Variants in PLD5 observed in about 807,000 individuals in gnomAD.
The protein encoded by PLD5 is inactive phospholipase D5.
Under a neutral mutation model 61.1 loss-of-function variants are expected in PLD5, and 36 were observed. That is an observed-to-expected ratio of 0.59 (90% CI 0.45 to 0.78). The LOEUF (loss-of-function observed/expected upper bound fraction) is 0.78, where lower values mean the gene tolerates loss of function less well. Among genes scored for constraint, PLD5 ranks in the 30% least tolerant of loss-of-function variants. PLD5 has a pLI of 0.00. For synonymous variants in PLD5, 243 were observed against 242.8 expected (o/e 1.00, Z -0.01); for missense variants, 515 against 644.4 (o/e 0.80, Z 2.17).
intron 8 of PLD5, among the ~76,000 whole-genome samples, chr1:242,101,738 A>G (rs1309120065): frequency 4.6e-5 from 7 of 152,174 alleles, no homozygotes; most frequent in Admixed American, 3.9e-4. Context: ...AAGTGTTCAC[A>G]TTTGGTTTGA....
chr1:242,257,220 A>G (rs1347319547), intron 4 of PLD5, among the ~76,000 whole-genome samples: 1 of 152,210 alleles, frequency 6.6e-6, no homozygotes, highest in African/African-American at 2.4e-5. Flanking sequence ...CTCTGGCAAA[A>G]CAAAACAAAA....
At chr1:242,472,383 G>A (rs539137946) in intron 1 of PLD5, among the ~76,000 whole-genome samples, 31 of 152,346 alleles carry the variant, frequency 2.0e-4, no homozygotes, top group Admixed American at 1.5e-3. Context: ...AAGGTGCGCC[G>A]ATAGAGCAGA....
intron 1 of PLD5, among the ~76,000 whole-genome samples, chr1:242,502,384 G>C (rs925633457): frequency 6.6e-6 from 1 of 152,110 alleles, no homozygotes; most frequent in South Asian, 2.1e-4. Context: ...CCCTTTAAAG[G>C]AATTCATGTA....
At chr1:242,386,256 TC>T (rs1333123057) in intron 1 of PLD5, among the ~76,000 whole-genome samples, 1 of 152,202 alleles carries the variant, frequency 6.6e-6, no homozygotes, top group Non-Finnish European at 1.5e-5. Context: ...CTTCAACATA[TC>T]TTTTTGACAG....
At chr1:242,415,409 C>G (rs1664765937) in intron 1 of PLD5, among the ~76,000 whole-genome samples, 1 of 152,008 alleles carries the variant, frequency 6.6e-6, no homozygotes. Flanking sequence ...ACCCCTTAAT[C>G]AAAATAATTC....
intron 2 of PLD5, chr1:242,345,466 T>G: frequency 1.5e-6 from 1 of 646,808 alleles, no homozygotes; most frequent in Non-Finnish European, 2.8e-6. Flanking sequence ...GCTAGAGTAT[T>G]GGGAAGTAAA....
rs1491195081 is a variant in PLD5 at position 242,394,978 on chromosome 1, A to ATT, written c.190-46737_190-46736insAA. Among the ~76,000 whole-genome samples the ATT allele has an allele frequency of 2.3e-4, 24 of 105,304 alleles. 1 individual carries two copies. Among genetic ancestry groups the ATT allele is most frequent in the East Asian group, 1.3e-3 (5 of 3,810 alleles). 69.1% of individuals were successfully genotyped at this position (105,304 alleles called of 152,430 possible). ...ATATGAATATATATGATTATATATGAATATATATGAATATATATGTATATA... is the reference window on the plus strand; with the variant it reads ...ATATGAATATATATGATTATATATGATTATATATATGAATATATATGTATATA... On this transcript the variant is annotated intron_variant, in intron 1 of 9. Coordinates refer to ENST00000536534, the MANE Select transcript of PLD5 (RefSeq NM_001372062.1).
At chr1:242,482,513 G>A (rs546925211) in intron 1 of PLD5, among the ~76,000 whole-genome samples, 2,386 of 152,186 alleles carry the variant, frequency 0.016, 38 homozygotes, top group Non-Finnish European at 0.023. Flanking sequence ...AGAGAAAAAA[G>A]AATAAAAAGA....
intron 1 of PLD5, among the ~76,000 whole-genome samples, chr1:242,379,966 G>C (rs1024017004): frequency 6.6e-6 from 1 of 152,130 alleles, no homozygotes; most frequent in Non-Finnish European, 1.5e-5. Flanking sequence ...GTATTAATAA[G>C]ATTATACAAC....
At chr1:242,163,368 C>T (rs577479282) in intron 5 of PLD5, among the ~76,000 whole-genome samples, 18 of 152,124 alleles carry the variant, frequency 1.2e-4, no homozygotes, top group African/African-American at 4.1e-4. Flanking sequence ...TGGTCTCCAT[C>T]TCCTGACCTC....
At chr1:242,155,974 T>A (rs1313999834) in intron 5 of PLD5, among the ~76,000 whole-genome samples, 2 of 152,194 alleles carry the variant, frequency 1.3e-5, no homozygotes, top group Non-Finnish European at 2.9e-5. Context: ...ACTATTATTG[T>A]GTGGGAGTCT....
chr1:242,286,385 C>T (rs1304605275), intron 3 of PLD5, among the ~76,000 whole-genome samples: 2 of 152,104 alleles, frequency 1.3e-5, no homozygotes, highest in African/African-American at 2.4e-5. Flanking sequence ...AGTAAGGGAT[C>T]GCTGACCTGT....
chr1:242,296,293 T>C (rs1675652245), intron 2 of PLD5, among the ~76,000 whole-genome samples: 1 of 152,264 alleles, frequency 6.6e-6, no homozygotes. Flanking sequence ...TGTCAAGGCA[T>C]AATTTGCAAA....
chr1:242,111,031 A>G (rs80257010), intron 7 of PLD5, among the ~76,000 whole-genome samples: 8,627 of 152,000 alleles, frequency 0.057, 832 homozygotes, highest in African/African-American at 0.2. Flanking sequence ...TTGCTAAATC[A>G]GGAAGAAGTG....
intron 1 of PLD5, among the ~76,000 whole-genome samples, chr1:242,476,265 G>C (rs1027296891): frequency 6.6e-6 from 1 of 152,012 alleles, no homozygotes; most frequent in African/African-American, 2.4e-5. Flanking sequence ...TGAAACAGGA[G>C]AATCACTTGG....
intron 6 of PLD5, among the ~76,000 whole-genome samples, chr1:242,123,085 T>C (rs1662511596): frequency 6.6e-6 from 1 of 152,198 alleles, no homozygotes; most frequent in South Asian, 2.1e-4. Flanking sequence ...CAGGGGACAC[T>C]ATAAATCTGC....
chr1:242,126,391 C>T (rs1662785124), intron 5 of PLD5, among the ~76,000 whole-genome samples: 10 of 152,206 alleles, frequency 6.6e-5, no homozygotes, highest in Admixed American at 6.5e-4. Flanking sequence ...GGAGGCATCA[C>T]ATTACCTGAT....
intron 2 of PLD5, among the ~76,000 whole-genome samples, chr1:242,346,847 C>CA (rs1195367423): frequency 6.6e-6 from 1 of 152,168 alleles, no homozygotes; most frequent in East Asian, 1.9e-4. Flanking sequence ...TGTTGTTCCC[C>CA]ACCATGTGTC....
intron 2 of PLD5, among the ~76,000 whole-genome samples, chr1:242,292,503 C>G (rs543752532): frequency 1.4e-4 from 21 of 152,296 alleles, no homozygotes; most frequent in Non-Finnish European, 2.6e-4. Context: ...TATGGCTTCT[C>G]TTGGGCATAC....
Sources: gnomAD v4.1 joint callset for allele counts (sites outside exome capture counted in the v4.1 genomes callset) on GRCh38, gnomAD v4.1.1 for gene constraint, MANE v1.5 for transcripts, NCBI Gene and HGNC (gene_info 2026-07-23, HGNC 2026-07-21) for gene names.